Variants in TRPC5 observed in about 807,000 individuals in gnomAD.
The protein encoded by TRPC5 is transient receptor potential cation channel subfamily C member 5.
A neutral mutation model predicts 56.5 loss-of-function variants in TRPC5; 9 were observed. The ratio of observed to expected loss-of-function variants is 0.16; its 90% CI spans 0.10 to 0.28. The LOEUF (loss-of-function observed/expected upper bound fraction) is 0.28. Among genes scored for constraint, TRPC5 ranks in the 10% least tolerant of loss-of-function variants. The pLI, the probability that TRPC5 is intolerant of heterozygous loss-of-function variation, is 1.00. For missense variants in TRPC5, 469 were observed against 748.9 expected (o/e 0.63, Z 4.36); for synonymous variants, 282 against 278.5 (o/e 1.01, Z -0.13).
At chrX:111,935,031 T>C (rs1229872933) in intron 2 of TRPC5, among the ~76,000 whole-genome samples, 1 of 111,895 alleles carries the variant, frequency 8.9e-6, no homozygotes, top group Non-Finnish European at 1.9e-5. Flanking sequence ...TTTTTAGTTT[T>C]TTGAGGACAC....
chrX:112,018,810 T>C (rs1436843189), intron 1 of TRPC5, among the ~76,000 whole-genome samples: 1 of 112,251 alleles, frequency 8.9e-6, no homozygotes, highest in Non-Finnish European at 1.9e-5. Flanking sequence ...GAATTTCTCA[T>C]CTGGGTTCAA....
chrX:112,027,706 C>T (rs751539835), intron 1 of TRPC5, among the ~76,000 whole-genome samples: 1 of 110,725 alleles, frequency 9.0e-6, no homozygotes, highest in African/African-American at 3.3e-5. Context: ...CCGTGTTAGC[C>T]ATGATGGTCT....
At chrX:111,897,037 A>G (rs2148611327) in intron 3 of TRPC5, among the ~76,000 whole-genome samples, 1 of 112,447 alleles carries the variant, frequency 8.9e-6, no homozygotes, top group South Asian at 3.7e-4. Context: ...AACTTTGTTT[A>G]GTGCACAACA....
At chrX:112,035,456 C>CATATATAT (rs58747733) in intron 1 of TRPC5, among the ~76,000 whole-genome samples, 9 of 103,704 alleles carry the variant, frequency 8.7e-5, no homozygotes, top group African/African-American at 2.8e-4. Context: ...TCCTTGAACT[C>CATATATAT]ATATATATAT....
chrX:112,074,551 AT>A (rs1203890169), intron 1 of TRPC5, among the ~76,000 whole-genome samples: 1 of 110,576 alleles, frequency 9.0e-6, no homozygotes, highest in Non-Finnish European at 1.9e-5. Flanking sequence ...CATCCACTAA[AT>A]TAAATCCAGC....
At chrX:111,873,134 A>G (rs1404742023) in intron 3 of TRPC5, among the ~76,000 whole-genome samples, 1 of 112,576 alleles carries the variant, frequency 8.9e-6, no homozygotes, top group Non-Finnish European at 1.9e-5. Flanking sequence ...TGGATTGGAT[A>G]AAGAAAATGT....
chrX:111,858,609 G>A (rs1177557045), intron 3 of TRPC5, among the ~76,000 whole-genome samples: 1 of 111,027 alleles, frequency 9.0e-6, no homozygotes, highest in Non-Finnish European at 1.9e-5. Context: ...AGAGTTGTGT[G>A]TCTGTTCCCC....
Position 111,768,078 on chromosome X carries a change from A to G in TRPC5, c.*8235T>C, listed in dbSNP as rs1404929205. Among the ~76,000 whole-genome samples the G allele has an allele frequency of 2.7e-5, 3 of 112,217 alleles. No homozygotes were observed. Among genetic ancestry groups the G allele is most frequent in the Non-Finnish European group, 5.6e-5 (3 of 53,163 alleles). On this transcript the variant is annotated 3_prime_UTR_variant, in exon 11 of 11. Coordinates refer to ENST00000262839, the MANE Select transcript of TRPC5 (RefSeq NM_012471.3). ...AGCTAAAAATACACAAAATTATTTT[A>G]TTGTACAAGATTCTTTTTAATACAT...
At chrX:112,041,573 G>T (rs1929892347) in intron 1 of TRPC5, among the ~76,000 whole-genome samples, 1 of 111,672 alleles carries the variant, frequency 9.0e-6, no homozygotes, top group Admixed American at 9.5e-5. Context: ...ACCTGAATTT[G>T]AACACCAGCA....
intron 1 of TRPC5, among the ~76,000 whole-genome samples, chrX:111,967,514 A>G (rs968494969): frequency 1.8e-5 from 2 of 112,034 alleles, no homozygotes; most frequent in African/African-American, 6.5e-5. Flanking sequence ...AAGAGCCCGC[A>G]TGGCCAAGTC....
At chrX:112,047,073 A>G (rs1384563913) in intron 1 of TRPC5, among the ~76,000 whole-genome samples, 2 of 111,581 alleles carry the variant, frequency 1.8e-5, no homozygotes, top group African/African-American at 6.5e-5. Flanking sequence ...TTTCCTTATT[A>G]AATCTTCAGT....
chrX:111,992,399 A>T, intron 1 of TRPC5, among the ~76,000 whole-genome samples: 1 of 111,329 alleles, frequency 9.0e-6, no homozygotes, highest in Non-Finnish European at 1.9e-5. Flanking sequence ...TACATTTTTT[A>T]AAATTGCATT....
intron 3 of TRPC5, among the ~76,000 whole-genome samples, chrX:111,856,094 T>C (rs1032422719): frequency 9.0e-6 from 1 of 110,758 alleles, no homozygotes; most frequent in Non-Finnish European, 1.9e-5. Context: ...GGCTAAGGCA[T>C]AGAGGTGAAA....
rs866140071 is a variant in TRPC5, at chrX:111,774,724, G to T, written c.*1589C>A. The T allele has an allele frequency of 4.5e-5, 5 of 111,063 alleles. No individual in the cohort carries two copies. Among genetic ancestry groups the T allele is most frequent in the Admixed American group, 3.9e-4 (4 of 10,373 alleles). 9.2% of individuals were successfully genotyped at this position (111,063 alleles called of 1,213,427 possible). A position where few individuals can be genotyped will look rare whatever the true frequency, so the allele number is the denominator to read the frequency against. ...ACACTTATCAAAAGCTAGTTTGGAG[G>T]CATATTTGCAGTTCGAAAGTTCCTC... On this transcript the variant is annotated 3_prime_UTR_variant, in exon 11 of 11. Transcript: ENST00000262839.
At chrX:111,906,095 C>G (rs1925610837) in intron 3 of TRPC5, among the ~76,000 whole-genome samples, 6 of 110,732 alleles carry the variant, frequency 5.4e-5, no homozygotes, top group South Asian at 3.9e-4. Flanking sequence ...TGGCTCACGC[C>G]TATAATCCTA....
At chrX:111,944,297 T>TGAAA (rs1400081627) in intron 2 of TRPC5, among the ~76,000 whole-genome samples, 4 of 87,650 alleles carry the variant, frequency 4.6e-5, no homozygotes, top group African/African-American at 5.3e-5. Context: ...TGTGTGTGTG[T>TGAAA]GTGTGTGAGA....
chrX:111,964,190 G>A (rs1279932575), intron 1 of TRPC5, among the ~76,000 whole-genome samples: 1 of 112,036 alleles, frequency 8.9e-6, no homozygotes, highest in Non-Finnish European at 1.9e-5. Context: ...GAAGCCTCAG[G>A]AGCTGATGCG....
intron 3 of TRPC5, among the ~76,000 whole-genome samples, chrX:111,894,666 T>G (rs1924971077): frequency 8.9e-6 from 1 of 112,033 alleles, no homozygotes; most frequent in South Asian, 3.8e-4. Context: ...GGTAAGACTC[T>G]TATCACTGTC....
intron 1 of TRPC5, among the ~76,000 whole-genome samples, 153 bp downstream of exon 1, chrX:112,081,726 T>G (rs1452888861): frequency 9.0e-6 from 1 of 111,584 alleles, no homozygotes; most frequent in Non-Finnish European, 1.9e-5. Flanking sequence ...GGCCTCCCTC[T>G]GCTCCCTACC....
Sources: gnomAD v4.1 joint callset for allele counts (sites outside exome capture counted in the v4.1 genomes callset) on GRCh38, gnomAD v4.1.1 for gene constraint, MANE v1.5 for transcripts, NCBI Gene and HGNC (gene_info 2026-07-23, HGNC 2026-07-21) for gene names.